Variants in TENM2 observed in about 807,000 individuals in gnomAD.
The protein encoded by TENM2 is teneurin transmembrane protein 2.
A neutral mutation model predicts 245.2 loss-of-function variants in TENM2; 52 were observed. The ratio of observed to expected loss-of-function variants is 0.21; its 90% CI spans 0.17 to 0.27. The LOEUF (loss-of-function observed/expected upper bound fraction) is 0.27, where lower values mean the gene tolerates loss of function less well. Among genes scored for constraint, TENM2 ranks in the 10% least tolerant of loss-of-function variants. TENM2 has a pLI of 1.00. For synonymous variants in TENM2, 1,363 were observed against 1,438.9 expected (o/e 0.95, Z 1.19); for missense variants, 3,046 against 3,666.8 (o/e 0.83, Z 4.37).
At chr5:167,530,634 C>T (rs1042217256) in intron 2 of TENM2, among the ~76,000 whole-genome samples, 1 of 152,144 alleles carries the variant, frequency 6.6e-6, no homozygotes, top group African/African-American at 2.4e-5. Flanking sequence ...TCCCCCAGAT[C>T]CTGTGAGCAC....
chr5:167,797,817 A>G (rs529772067), intron 2 of TENM2, among the ~76,000 whole-genome samples: 1 of 152,210 alleles, frequency 6.6e-6, no homozygotes, highest in African/African-American at 2.4e-5. Flanking sequence ...AGAAAAGGAA[A>G]GGAAAGAAAA....
chr5:167,853,297 A>AAAAAAAAAAAAAAAAAAAAG (rs1561856624), intron 2 of TENM2, among the ~76,000 whole-genome samples: 7 of 141,584 alleles, frequency 4.9e-5, no homozygotes, highest in African/African-American at 1.9e-4. Flanking sequence ...CTCAAAAAAA[A>AAAAAAAAAAAAAAAAAAAAG]AAAAAAAAAA....
Position 167,499,185 on chromosome 5 carries a change from T to C in TENM2, c.502+123712T>C, listed in dbSNP as rs778171260. ...CTGCTGTGATATGTCCTTGTATTCT[T>C]AGCATTCTCTTAGAAAGTATCCTTT... is the stretch of plus-strand genomic sequence containing the variant. On this transcript the variant is annotated intron_variant, in intron 2 of 28. Transcript: ENST00000518659. Among the ~76,000 whole-genome samples, 18 of 152,120 alleles carry C rather than the reference T, an allele frequency of 1.2e-4. 1 individual carries two copies. Among genetic ancestry groups the C allele is most frequent in the Non-Finnish European group, 2.9e-5 (2 of 68,024 alleles).
chr5:167,188,329 C>T, the TENM2 span, among the ~76,000 whole-genome samples: 1 of 152,178 alleles, frequency 6.6e-6, no homozygotes. Flanking sequence ...CTGGAAAGGG[C>T]TGCATGACTT....
At chr5:168,036,584 C>T (rs373193987) in intron 5 of TENM2, among the ~76,000 whole-genome samples, 4 of 147,006 alleles carry the variant, frequency 2.7e-5, no homozygotes, top group Admixed American at 1.4e-4. Flanking sequence ...TGCAGTGAGC[C>T]GAGATCGCAC....
At chr5:167,332,694 TA>T (rs1458138626) in intron 1 of TENM2, among the ~76,000 whole-genome samples, 95 of 152,280 alleles carry the variant, frequency 6.2e-4, no homozygotes, top group African/African-American at 2.2e-3. Flanking sequence ...GTTGAGTTCA[TA>T]AACACTAATC....
At chr5:167,419,184 A>C (rs1254033024) in intron 2 of TENM2, among the ~76,000 whole-genome samples, 1 of 143,232 alleles carries the variant, frequency 7.0e-6, no homozygotes, top group African/African-American at 2.5e-5. Context: ...TTGGTAGGCC[A>C]GGTAAGGTGG....
chr5:167,615,626 A>G (rs1257130148), intron 2 of TENM2, among the ~76,000 whole-genome samples: 1 of 152,166 alleles, frequency 6.6e-6, no homozygotes, highest in East Asian at 1.9e-4. Flanking sequence ...GACCTCTGAC[A>G]TGGCAGACAG....
At chr5:167,803,265 A>G (rs1045590163) in intron 2 of TENM2, among the ~76,000 whole-genome samples, 17 of 152,138 alleles carry the variant, frequency 1.1e-4, no homozygotes, top group Admixed American at 3.3e-4. Flanking sequence ...TCCACCAGTC[A>G]AGGTTTCTCC....
At chr5:168,224,610 C>T (rs985127931) in intron 23 of TENM2, among the ~76,000 whole-genome samples, 2 of 152,150 alleles carry the variant, frequency 1.3e-5, no homozygotes, top group African/African-American at 2.4e-5. Flanking sequence ...CTCACAGGCC[C>T]TCCCCACAGG....
chr5:167,678,529 T>C (rs1368310451), intron 2 of TENM2, among the ~76,000 whole-genome samples: 2 of 152,136 alleles, frequency 1.3e-5, no homozygotes, highest in Non-Finnish European at 2.9e-5. Flanking sequence ...ACAGCACTTG[T>C]TACTTAAAAG....
At chr5:167,347,225 T>C (rs1758518118) in intron 1 of TENM2, among the ~76,000 whole-genome samples, 1 of 152,094 alleles carries the variant, frequency 6.6e-6, no homozygotes, top group South Asian at 2.1e-4. Context: ...CCAGAACAGA[T>C]AATATCTTGA....
At chr5:167,097,104 CCG>C in the TENM2 span, among the ~76,000 whole-genome samples, 3 of 152,188 alleles carry the variant, frequency 2.0e-5, no homozygotes, top group South Asian at 6.2e-4. Flanking sequence ...CTTTCCCCGC[CCG>C]AGAGAGTCAA....
chr5:167,001,263 A>G, the TENM2 span, among the ~76,000 whole-genome samples: 1 of 152,284 alleles, frequency 6.6e-6, no homozygotes, highest in East Asian at 1.9e-4. Flanking sequence ...AGGTTTGCTA[A>G]TGGAAAGAAA....
intron 2 of TENM2, among the ~76,000 whole-genome samples, chr5:167,375,927 C>T (rs779897896): frequency 1.3e-5 from 2 of 152,108 alleles, no homozygotes; most frequent in African/African-American, 4.8e-5. Flanking sequence ...GCCTCATATC[C>T]GTATTGAAGA....
At chr5:167,187,238 C>G in the TENM2 span, among the ~76,000 whole-genome samples, 28 of 152,112 alleles carry the variant, frequency 1.8e-4, no homozygotes, top group Non-Finnish European at 3.7e-4. Flanking sequence ...GAAGTGCTTT[C>G]TGATTTGACA....
rs201110015 is a variant in TENM2 at position 167,611,859 on chromosome 5, C to T, written c.502+236386C>T. On this transcript the variant is annotated intron_variant, in intron 2 of 28. Transcript: ENST00000518659. Reference sequence around the variant, plus strand: ...TTCATGAGGGCTTCTCCCTCATGACCTAATCCCACCTCCCGAAACCATCAC... The same window carrying T: ...TTCATGAGGGCTTCTCCCTCATGACTTAATCCCACCTCCCGAAACCATCAC... 2.6e-5 allele frequency among the ~76,000 whole-genome samples: 4 copies of T among 152,102 alleles called. No homozygotes were observed. The East Asian group carries it at 7.8e-4, about 30-fold the overall frequency.
At chr5:167,312,591 GAAACGAACAAAA>G (rs1323210335) in intron 1 of TENM2, among the ~76,000 whole-genome samples, 1 of 151,464 alleles carries the variant, frequency 6.6e-6, no homozygotes, top group Admixed American at 6.6e-5. Flanking sequence ...CATGATATGA[GAAACGAACAAAA>G]AAAAGAAATG....
intron 13 of TENM2, among the ~76,000 whole-genome samples, chr5:168,163,377 T>A (rs1349266457): frequency 6.6e-6 from 1 of 152,126 alleles, no homozygotes; most frequent in African/African-American, 2.4e-5. Context: ...GTGGAAAAAA[T>A]CATTAAAAAG....
Sources: gnomAD v4.1 joint callset for allele counts (sites outside exome capture counted in the v4.1 genomes callset) on GRCh38, gnomAD v4.1.1 for gene constraint, MANE v1.5 for transcripts, NCBI Gene and HGNC (gene_info 2026-07-23, HGNC 2026-07-21) for gene names.